The following SETX variants were observed in gnomAD, a reference collection of about 807,000 sequenced individuals.
SETX encodes the protein senataxin.
Under a neutral mutation model 227.2 loss-of-function variants are expected in SETX, and 90 were observed. The observed-to-expected ratio is 0.40, with a 90% CI of 0.33 to 0.47. The LOEUF (loss-of-function observed/expected upper bound fraction) is 0.47. Ranked by LOEUF, SETX falls within the 20% of genes least tolerant of loss-of-function variation. The pLI is 0.91. For synonymous variants in SETX, 1,210 were observed against 1,113.2 expected (o/e 1.09, Z -1.73); for missense variants, 3,052 against 3,181.5 (o/e 0.96, Z 0.98).
intron 18 of SETX, 36 bp from the exon 19 acceptor site, chr9:132,283,449 A>ACAT (rs748110044): frequency 6.2e-7 from 1 of 1,613,414 alleles, no homozygotes; most frequent in Non-Finnish European, 8.5e-7. Context: ...ATTCAGCTGT[A>ACAT]CATCAATCCT....
At chr9:132,333,361 G>C (rs1341417662) in intron 7 of SETX, among the ~76,000 whole-genome samples, 1 of 132,484 alleles carries the variant, frequency 7.5e-6, no homozygotes, top group Non-Finnish European at 1.6e-5. Flanking sequence ...CTGGGTGAGA[G>C]AGAAAGACTT....
At position 132,328,291 on chromosome 9, in the gene SETX, C is replaced by A. The variant is rs1846978102; in HGVS notation, c.3307G>T (p.Val1103Phe). ...WQDHPDDNNS[V>F]QDGEKKCLAP... ...AAACATTTTTTCTCACCATCTTGAA[C>A]TGAATTATTATCGTCTGGATGATCT... is the stretch of plus-strand genomic sequence containing the variant. The change falls in exon 10 of 26, where the codon GTT becomes TTT. Residue 1103 changes from valine to phenylalanine, a missense_variant. This residue lies in a region of SETX where 1,483 missense variants were observed against 1,312.0 expected (regional missense o/e 1.13). Transcript: ENST00000224140. 1 of 1,613,934 alleles carries A rather than the reference C, an allele frequency of 6.2e-7. No individual in the cohort carries two copies. Among genetic ancestry groups the A allele is most frequent in the Non-Finnish European group, 8.5e-7 (1 of 1,180,000 alleles).
intron 13 of SETX, among the ~76,000 whole-genome samples, 177 bp downstream of exon 13, chr9:132,297,903 T>C (rs781698540): frequency 6.6e-5 from 10 of 152,218 alleles, no homozygotes; most frequent in Non-Finnish European, 1.2e-4. Flanking sequence ...TACCTTTTCC[T>C]GAAGTGAGCT....
intron 3 of SETX, among the ~76,000 whole-genome samples, chr9:132,347,553 A>C (rs1589786754): frequency 6.6e-6 from 1 of 151,908 alleles, no homozygotes; most frequent in African/African-American, 2.4e-5. Flanking sequence ...CTCGTAATCC[A>C]CCTGCCTCAG....
chr9:132,335,191 C>A (rs188667002), intron 6 of SETX, among the ~76,000 whole-genome samples: 9 of 151,720 alleles, frequency 5.9e-5, no homozygotes, highest in Admixed American at 1.3e-4. Flanking sequence ...GAGATCGAGA[C>A]CATCCTGGCT....
rs772671321 is a variant in SETX, at chr9:132,298,071, A to G, written c.5781+9T>C. 6.7e-5 allele frequency: 106 copies of G among 1,588,020 alleles called. No homozygotes were observed. Among genetic ancestry groups the G allele is most frequent in the Middle Eastern group, 1.7e-4 (1 of 6,016 alleles). On this transcript the variant is annotated intron_variant, in intron 13 of 25. Transcript: ENST00000224140. ...ATGAAATTATCTAGTATCATACATC[A>G]TCACTCACAATTCTCTCAGATGTTG...
chr9:132,338,111 A>G (rs554111398), intron 5 of SETX, among the ~76,000 whole-genome samples: 1 of 81,992 alleles, frequency 1.2e-5, no homozygotes, highest in Admixed American at 1.6e-4. Flanking sequence ...TTTTTTTTTG[A>G]GACAGAGTCT....
In SETX at chr9:132,286,471, A is replaced by G. The variant is rs775470600; in HGVS notation, c.6348T>C (p.Ile2116=). The G allele has an allele frequency of 1.2e-6, 2 of 1,613,722 alleles. No homozygotes were observed. The highest frequency in any genetic ancestry group is 3.3e-5 in the Admixed American group (2 of 60,006). ...EIQRQELDEN[I]SKVSKERQEL... is the part of the protein sequence containing the mutation. The stretch of plus-strand genomic sequence containing the variant: ...CCTGCCTTTCCTTAGAAACTTTGGA[A>G]ATGTTTTCATCTAATTCTTGCCTCT... The change falls in exon 18 of 26, where the codon ATT becomes ATC. Residue 2116 remains isoleucine (I), a synonymous_variant. Coordinates refer to ENST00000224140, the MANE Select transcript of SETX (RefSeq NM_015046.7).
chr9:132,278,234 G>A lies in SETX; in HGVS notation c.6678C>T (p.Asp2226=). Residue 2226 remains aspartate, a synonymous_variant, in exon 21 of 26, where the codon GAC becomes GAT. Coordinates refer to ENST00000224140, the MANE Select transcript of SETX (RefSeq NM_015046.7). ...TGCAGAAGCGAGCCATCATTGACTGGTCGTAGCCATACTCCTGTGCTTTCT... is the reference window on the plus strand; with the variant it reads ...TGCAGAAGCGAGCCATCATTGACTGATCGTAGCCATACTCCTGTGCTTTCT... ...ISMKAQEYGY[D]QSMMARFCRL... The A allele has an allele frequency of 6.2e-7, 1 of 1,614,076 alleles. No homozygotes were observed. The highest frequency in any genetic ancestry group is 8.5e-7 in the Non-Finnish European group (1 of 1,180,008).
chr9:132,264,434 G>A lies in SETX; in HGVS notation c.7839C>T (p.Pro2613=), dbSNP rs1371376319. The A allele has an allele frequency of 4.3e-6, 7 of 1,613,840 alleles. No individual in the cohort carries two copies. The highest frequency in any genetic ancestry group is 3.3e-5 in the South Asian group (3 of 91,084). ...PVRGEPPAAS[P]EASTCQSKCD... is the part of the protein sequence containing the mutation. ...ATTTGCTCTGACACGTGGAAGCCTC[G>A]GGACTGGCAGCTGGAGGTTCGCCCC... The change falls in exon 26 of 26, where the codon CCC becomes CCT. Residue 2613 remains proline, a synonymous_variant. Transcript: ENST00000224140.
Position 132,297,121 on chromosome 9 carries a change from T to C in SETX, c.5782-67A>G, listed in dbSNP as rs1589669667. 5.8e-6 allele frequency: 8 copies of C among 1,383,126 alleles called. No homozygotes were observed. In the East Asian group the frequency reaches 1.7e-4, roughly 29 times the overall value. The allele number at this position is 1,383,126 out of a possible 1,614,324, so 85.7% of individuals were successfully genotyped here. On this transcript the variant is annotated intron_variant, in intron 13 of 25. Transcript: ENST00000224140. ...GTAGTGGAATTTGAAAGGAAGAACA[T>C]GAAAAAGACCTGTCCAAATTTCTTT... is the stretch of plus-strand genomic sequence containing the variant.
rs776238150 is a variant in SETX, at chr9:132,326,923, T to G, written c.4675A>C (p.Lys1559Gln). 1 of 1,614,080 alleles carries G rather than the reference T, an allele frequency of 6.2e-7. No individual in the cohort carries two copies. Among genetic ancestry groups the G allele is most frequent in the Non-Finnish European group, 8.5e-7 (1 of 1,180,044 alleles). ...CKYKDCLETT[K>Q]NQGEYCPKHS... ...TTTGGGCAGTATTCACCCTGGTTTT[T>G]TGTGGTTTCAAGACAATCTTTGTAC... Residue 1559 changes from lysine (K) to glutamine (Q), a missense_variant, in exon 10 of 26, where the codon AAA (lysine) becomes CAA (glutamine). Around this residue, in one of 10 missense-constraint regions of SETX, gnomAD observed 1,483 missense variants for 1,312.0 expected, o/e 1.13. Transcript: ENST00000224140.
chr9:132,298,047 T>C, intron 13 of SETX, 33 bp downstream of exon 13: 1 of 1,535,612 alleles, frequency 6.5e-7, no homozygotes, highest in Non-Finnish European at 9.0e-7. Flanking sequence ...CATCTTAACA[T>C]GAAATTATCT....
intron 25 of SETX, 91 bp from the exon 26 acceptor site, chr9:132,265,076 A>G: frequency 7.1e-7 from 1 of 1,415,866 alleles, no homozygotes; most frequent in Non-Finnish European, 9.9e-7. Context: ...TGAACAAATA[A>G]TACATATTAT....
chr9:132,328,887 T>C lies in SETX; in HGVS notation c.2711A>G (p.Asn904Ser), dbSNP rs143265750. ...KELIPFTEMT[N>S]ASEKKSSPFK... The stretch of plus-strand genomic sequence containing the variant: ...GGGAGATGATTTCTTCTCTGAAGCA[T>C]TGGTCATTTCTGTAAAAGGGATCAA... Residue 904 changes from asparagine to serine, a missense_variant, in exon 10 of 26, where the codon AAT becomes AGT. Asn to Ser is a conservative substitution (Grantham distance 46). Transcript: ENST00000224140. 5.0e-6 allele frequency: 8 copies of C among 1,613,934 alleles called. No individual in the cohort carries two copies. In the African/African-American group the frequency reaches 5.3e-5, roughly 11 times the overall value.
rs1589748657 is a variant in SETX, at chr9:132,330,511, GA to G, written c.1099-13del. 6 of 1,607,966 alleles carry G rather than the reference GA, an allele frequency of 3.7e-6. No individual in the cohort carries two copies. Among genetic ancestry groups the G allele is most frequent in the Non-Finnish European group, 5.1e-6 (6 of 1,178,038 alleles). On this transcript the variant is annotated splice_polypyrimidine_tract_variant and intron_variant, in intron 9 of 25. Coordinates refer to ENST00000224140, the MANE Select transcript of SETX (RefSeq NM_015046.7). ...CTCCATCCAGAATCCTAAAATGAAA[GA>G]AATGCTGATGTTCAGATAAATAAGC...
chr9:132,351,221 C>T (rs977849163), intron 2 of SETX, among the ~76,000 whole-genome samples: 1 of 151,936 alleles, frequency 6.6e-6, no homozygotes, highest in African/African-American at 2.4e-5. Context: ...GAAAGTGAAA[C>T]TTCATGGAGG....
At chr9:132,303,487 C>G (rs1350597886) in intron 11 of SETX, among the ~76,000 whole-genome samples, 1 of 150,176 alleles carries the variant, frequency 6.7e-6, no homozygotes, top group African/African-American at 2.4e-5. Context: ...TAGGTAAATG[C>G]TTCTTAGGAT....
chr9:132,349,968 T>G (rs777403658), intron 2 of SETX, among the ~76,000 whole-genome samples: 14 of 152,174 alleles, frequency 9.2e-5, no homozygotes, highest in African/African-American at 3.4e-4. Flanking sequence ...AGAGACACAA[T>G]ATATTGGTGG....
Sources: allele counts gnomAD v4.1 joint callset (sites outside exome capture counted in the v4.1 genomes callset), GRCh38; gene constraint gnomAD v4.1.1; regional missense constraint gnomAD v4.1.1; transcripts MANE v1.5; gene names NCBI Gene and HGNC (gene_info 2026-07-23, HGNC 2026-07-21).